Variants in DPH6 observed in about 807,000 individuals in gnomAD.
DPH6 encodes the protein diphthine--ammonia ligase.
Under a neutral mutation model 38.2 loss-of-function variants are expected in DPH6, and 33 were observed. That is an observed-to-expected ratio of 0.86 (90% CI 0.65 to 1.15). The LOEUF is 1.15. DPH6 is among the 50% of genes most tolerant of loss of function. The pLI, the probability that DPH6 is intolerant of heterozygous loss-of-function variation, is 0.00. For synonymous variants in DPH6, 108 were observed against 103.0 expected (o/e 1.05, Z -0.30); for missense variants, 325 against 320.0 (o/e 1.02, Z -0.12).
intron 3 of DPH6, among the ~76,000 whole-genome samples, chr15:35,287,472 T>C (rs2051951198): frequency 6.6e-6 from 1 of 152,198 alleles, no homozygotes; most frequent in Non-Finnish European, 1.5e-5. Flanking sequence ...CTTGATCTAC[T>C]TGTAATTGTA....
At chr15:35,259,008 G>T (rs1369444935) in intron 3 of DPH6, among the ~76,000 whole-genome samples, 1 of 152,054 alleles carries the variant, frequency 6.6e-6, no homozygotes, top group South Asian at 2.1e-4. Flanking sequence ...TTAGCTGTGC[G>T]TGGTGGTGTG....
chr15:35,174,814 A>C, the DPH6 span, among the ~76,000 whole-genome samples: 1 of 152,236 alleles, frequency 6.6e-6, no homozygotes, highest in Non-Finnish European at 1.5e-5. Flanking sequence ...AGATGATCTC[A>C]GGAAAAATTA....
At chr15:35,306,916 G>A (rs974713130) in intron 3 of DPH6, among the ~76,000 whole-genome samples, 1 of 152,126 alleles carries the variant, frequency 6.6e-6, no homozygotes, top group Non-Finnish European at 1.5e-5. Context: ...ATGTTGTCAC[G>A]TGGCCCTTAA....
chr15:35,153,144 C>T, the DPH6 span, among the ~76,000 whole-genome samples: 1 of 151,750 alleles, frequency 6.6e-6, no homozygotes, highest in East Asian at 1.9e-4. Context: ...GAAACACAGC[C>T]CCACCCATTT....
intron 1 of DPH6, among the ~76,000 whole-genome samples, chr15:35,544,598 G>A (rs2055315648): frequency 1.3e-5 from 2 of 152,082 alleles, no homozygotes; most frequent in Non-Finnish European, 2.9e-5. Context: ...TATATATAAT[G>A]CATATATATA....
At chr15:35,345,056 T>A (rs1474459891) in intron 3 of DPH6, among the ~76,000 whole-genome samples, 1 of 151,686 alleles carries the variant, frequency 6.6e-6, no homozygotes, top group African/African-American at 2.4e-5. Context: ...ATGGAAAAAA[T>A]AAAATCAGTA....
chr15:35,280,598 C>T (rs1428349005), intron 3 of DPH6, among the ~76,000 whole-genome samples: 1 of 152,144 alleles, frequency 6.6e-6, no homozygotes, highest in Non-Finnish European at 1.5e-5. Context: ...TTGGATTACT[C>T]CATATTAGGT....
intron 3 of DPH6, among the ~76,000 whole-genome samples, chr15:35,335,857 G>T (rs2052367537): frequency 6.6e-6 from 1 of 152,000 alleles, no homozygotes; most frequent in African/African-American, 2.4e-5. Flanking sequence ...TGATTGTCTT[G>T]GCTCTTTGGC....
intron 3 of DPH6, chr15:35,298,165 G>A (rs1455782543): frequency 2.4e-6 from 1 of 417,058 alleles, no homozygotes. Context: ...CAGTCATGGA[G>A]GCTGTGACCT....
chr15:35,419,068 TAC>T (rs145718698), intron 5 of DPH6, among the ~76,000 whole-genome samples: 248 of 144,544 alleles, frequency 1.7e-3, no homozygotes, highest in East Asian at 9.0e-3. Flanking sequence ...CACACACACA[TAC>T]ACACACACAC....
chr15:35,482,263 T>C (rs1054028329), intron 3 of DPH6, among the ~76,000 whole-genome samples: 1 of 152,166 alleles, frequency 6.6e-6, no homozygotes, highest in Non-Finnish European at 1.5e-5. Flanking sequence ...GTTCAGACTA[T>C]ACAAGAATTT....
chr15:35,241,291 G>T (rs4539555), intron 3 of DPH6, among the ~76,000 whole-genome samples: 2 of 141,054 alleles, frequency 1.4e-5, no homozygotes, highest in African/African-American at 2.6e-5. Flanking sequence ...CATCACGGAC[G>T]CCGAGCTTTG....
At chr15:35,462,854 C>G (rs1028076357) in intron 3 of DPH6, among the ~76,000 whole-genome samples, 5 of 152,112 alleles carry the variant, frequency 3.3e-5, no homozygotes, top group Non-Finnish European at 7.3e-5. Flanking sequence ...ATATTTATAA[C>G]TGAATGATGT....
At chr15:35,454,626 G>T in intron 4 of DPH6, 121 bp downstream of exon 4, 1 of 768,394 alleles carries the variant, frequency 1.3e-6, no homozygotes, top group Non-Finnish European at 2.1e-6. Flanking sequence ...CACACATTTA[G>T]TTCCATGGAG....
intron 5 of DPH6, among the ~76,000 whole-genome samples, chr15:35,429,717 A>C (rs16960925): frequency 0.34 from 51,145 of 151,900 alleles, 10,148 homozygotes; most frequent in African/African-American, 0.56. Context: ...TATCTTTCCT[A>C]AAGAGATGTG....
At chr15:35,207,400 A>G in the DPH6 span, among the ~76,000 whole-genome samples, 1 of 152,166 alleles carries the variant, frequency 6.6e-6, no homozygotes, top group Non-Finnish European at 1.5e-5. Flanking sequence ...TGCATGTTGA[A>G]TAATATTGTG....
At chr15:35,310,344 A>G (rs930249357) in intron 3 of DPH6, among the ~76,000 whole-genome samples, 1 of 152,140 alleles carries the variant, frequency 6.6e-6, no homozygotes, top group African/African-American at 2.4e-5. Context: ...GCACATCTTA[A>G]AAAGGGCCAG....
chr15:35,502,396 C>T (rs1288505512), intron 3 of DPH6, among the ~76,000 whole-genome samples: 1 of 152,140 alleles, frequency 6.6e-6, no homozygotes, highest in South Asian at 2.1e-4. Flanking sequence ...AGAATCACTA[C>T]ATTACTACTG....
At chr15:35,464,087 A>T (rs2054097880) in intron 3 of DPH6, among the ~76,000 whole-genome samples, 1 of 152,100 alleles carries the variant, frequency 6.6e-6, no homozygotes, top group South Asian at 2.1e-4. Context: ...CAAGGTCAGG[A>T]GTTCGAGACC....
Sources: allele counts gnomAD v4.1 joint callset (sites outside exome capture counted in the v4.1 genomes callset), GRCh38; gene constraint gnomAD v4.1.1; transcripts MANE v1.5; gene names NCBI Gene and HGNC (gene_info 2026-07-23, HGNC 2026-07-21).